The following SGCZ variants were observed in gnomAD, a reference collection of about 807,000 sequenced individuals.
SGCZ encodes zeta-sarcoglycan.
A neutral mutation model predicts 41.3 loss-of-function variants in SGCZ; 40 were observed. The ratio of observed to expected loss-of-function variants is 0.97; its 90% confidence interval spans 0.75 to 1.26. The LOEUF (loss-of-function observed/expected upper bound fraction) is 1.26. Among genes scored for constraint, SGCZ ranks in the 50% most tolerant of loss-of-function variants. The probability of loss-of-function intolerance (pLI) is 0.00; values close to 1 mark genes in which losing one functional copy is unlikely to be tolerated. For synonymous variants in SGCZ, 206 were observed against 137.5 expected (o/e 1.50, Z -3.49); for missense variants, 552 against 369.8 (o/e 1.49, Z -4.04).
At chr8:15,223,246 A>G (rs185608906) in intron 1 of SGCZ, among the ~76,000 whole-genome samples, 3 of 152,338 alleles carry the variant, frequency 2.0e-5, no homozygotes, top group Non-Finnish European at 1.5e-5. Context: ...TAAGCTAAGC[A>G]CTATCTAAAA....
At chr8:15,059,715 T>C (rs4831675) in intron 1 of SGCZ, among the ~76,000 whole-genome samples, 106,449 of 152,144 alleles carry the variant, frequency 0.7, 37,772 homozygotes, top group East Asian at 0.8. Flanking sequence ...TAATGAATCA[T>C]CAAAAGTATG....
intron 3 of SGCZ, among the ~76,000 whole-genome samples, chr8:14,251,935 C>T (rs1470095938): frequency 6.6e-6 from 1 of 152,104 alleles, no homozygotes; most frequent in African/African-American, 2.4e-5. Flanking sequence ...GTCTCGAACT[C>T]CTGACCTTAG....
At chr8:14,265,122 C>G (rs1213043824) in intron 3 of SGCZ, among the ~76,000 whole-genome samples, 2 of 152,110 alleles carry the variant, frequency 1.3e-5, no homozygotes, top group Non-Finnish European at 2.9e-5. Flanking sequence ...AAATAAGGCA[C>G]CAGAGACCAA....
intron 5 of SGCZ, among the ~76,000 whole-genome samples, chr8:14,140,593 C>A (rs1457606370): frequency 6.6e-6 from 1 of 151,980 alleles, no homozygotes; most frequent in Non-Finnish European, 1.5e-5. Context: ...GAATAAAATA[C>A]CTAGGAATCC....
At chr8:14,467,986 T>C (rs956268136) in intron 2 of SGCZ, among the ~76,000 whole-genome samples, 3 of 152,060 alleles carry the variant, frequency 2.0e-5, no homozygotes, top group Non-Finnish European at 4.4e-5. Context: ...TAATTTAATA[T>C]TGACCATTTA....
chr8:14,443,310 C>A (rs903790529), intron 2 of SGCZ, among the ~76,000 whole-genome samples: 1 of 152,266 alleles, frequency 6.6e-6, no homozygotes, highest in African/African-American at 2.4e-5. Flanking sequence ...GAAAAAACGA[C>A]TTTAAAGTTC....
chr8:14,750,755 T>C (rs1799474425), intron 1 of SGCZ, among the ~76,000 whole-genome samples: 1 of 152,242 alleles, frequency 6.6e-6, no homozygotes, highest in Non-Finnish European at 1.5e-5. Context: ...ACTAATCAAG[T>C]TGGCTTCGTT....
intron 1 of SGCZ, among the ~76,000 whole-genome samples, chr8:14,848,542 A>G (rs1301257137): frequency 6.6e-6 from 1 of 152,222 alleles, no homozygotes; most frequent in African/African-American, 2.4e-5. Context: ...CAGATTAGAT[A>G]TAGACCCACA....
At chr8:15,216,712 T>C (rs1490459969) in intron 1 of SGCZ, among the ~76,000 whole-genome samples, 1 of 152,124 alleles carries the variant, frequency 6.6e-6, no homozygotes, top group Non-Finnish European at 1.5e-5. Context: ...AAAGGGCAAG[T>C]ATTTTAAAGA....
intron 1 of SGCZ, among the ~76,000 whole-genome samples, chr8:14,695,154 T>A (rs1808918830): frequency 1.3e-5 from 2 of 151,716 alleles, no homozygotes; most frequent in African/African-American, 4.8e-5. Flanking sequence ...GCAATGGGAG[T>A]TAAAATAAAA....
At chr8:15,170,041 G>A (rs1799782086) in intron 1 of SGCZ, among the ~76,000 whole-genome samples, 1 of 152,152 alleles carries the variant, frequency 6.6e-6, no homozygotes, top group African/African-American at 2.4e-5. Context: ...ACTTCAGTTT[G>A]GATAACTGAG....
chr8:14,384,733 T>G (rs1385794830), intron 2 of SGCZ, among the ~76,000 whole-genome samples: 1 of 152,092 alleles, frequency 6.6e-6, no homozygotes, highest in Non-Finnish European at 1.5e-5. Context: ...CTAATTTTTG[T>G]AGAGACGAGG....
At chr8:14,308,042 G>A (rs994332786) in intron 3 of SGCZ, among the ~76,000 whole-genome samples, 1 of 151,884 alleles carries the variant, frequency 6.6e-6, no homozygotes. Flanking sequence ...TACGATTCGG[G>A]GGAACAATAT....
intron 2 of SGCZ, among the ~76,000 whole-genome samples, chr8:14,333,023 C>G (rs1655673123): frequency 6.6e-6 from 1 of 151,592 alleles, no homozygotes; most frequent in Admixed American, 6.6e-5. Flanking sequence ...GGAACACATA[C>G]ATATTTTAAA....
intron 1 of SGCZ, among the ~76,000 whole-genome samples, chr8:14,652,355 T>TGG (rs1218692209): frequency 2.6e-4 from 3 of 11,478 alleles, no homozygotes; most frequent in East Asian, 5.4e-3. Flanking sequence ...AAGGGGGGGG[T>TGG]GTGGGGGGGA....
chr8:15,076,753 C>CTTTTTTTT (rs566416257), intron 1 of SGCZ, among the ~76,000 whole-genome samples: 4 of 143,742 alleles, frequency 2.8e-5, no homozygotes, highest in African/African-American at 5.4e-5. Context: ...AAGTCTCTCT[C>CTTTTTTTT]ATTTTTTTTT....
At chr8:14,449,123 A>T (rs901647899) in intron 2 of SGCZ, among the ~76,000 whole-genome samples, 2 of 152,192 alleles carry the variant, frequency 1.3e-5, no homozygotes, top group African/African-American at 2.4e-5. Context: ...ATAGCAAAAC[A>T]TTCGGGGAGG....
At chr8:14,951,301 T>C (rs1193624475) in intron 1 of SGCZ, among the ~76,000 whole-genome samples, 3 of 152,036 alleles carry the variant, frequency 2.0e-5, no homozygotes, top group East Asian at 1.9e-4. Flanking sequence ...ATTAAGAACA[T>C]TCTAAAATTA....
intron 1 of SGCZ, among the ~76,000 whole-genome samples, chr8:14,558,102 C>T (rs1585078474): frequency 6.6e-6 from 1 of 152,054 alleles, no homozygotes; most frequent in Admixed American, 6.6e-5. Context: ...TACAACCTTC[C>T]TAGTTTAATT....
Sources: allele counts gnomAD v4.1 joint callset (sites outside exome capture counted in the v4.1 genomes callset), GRCh38; gene constraint gnomAD v4.1.1; transcripts MANE v1.5; gene names NCBI Gene and HGNC (gene_info 2026-07-23, HGNC 2026-07-21).